COL1A2: variants seen among roughly 807,000 people sequenced by gnomAD.
COL1A2 encodes the protein collagen alpha-2(I) chain.
In COL1A2, 49 loss-of-function variants were observed where a neutral mutation model predicts 174.3. That is an observed-to-expected ratio of 0.28 (90% CI 0.22 to 0.36). The LOEUF (loss-of-function observed/expected upper bound fraction) is 0.36. Among genes scored for constraint, COL1A2 ranks in the 10% least tolerant of loss-of-function variants. The pLI, the probability that COL1A2 is intolerant of heterozygous loss-of-function variation, is 1.00. For synonymous variants in COL1A2, 655 were observed against 606.6 expected, an observed-to-expected ratio of 1.08 and a Z score of -1.17; for missense variants, 1,438 against 1,822.7, an observed-to-expected ratio of 0.79 and a Z score of 3.84.
intron 39 of COL1A2, among the ~76,000 whole-genome samples, chr7:94,422,248 A>G (rs972115289): frequency 3.3e-5 from 5 of 151,546 alleles, no homozygotes; most frequent in East Asian, 1.9e-4. Flanking sequence ...AGATATTTCT[A>G]TATCTAATTA....
chr7:94,412,173 T>C, intron 24 of COL1A2, 52 bp downstream of exon 24: 2 of 1,471,946 alleles, frequency 1.4e-6, no homozygotes, highest in South Asian at 2.3e-5. Flanking sequence ...ATTGCACCCT[T>C]ATCAAGTCTA....
chr7:94,404,818 A>T, intron 8 of COL1A2, 21 bp from the exon 9 acceptor site: 1 of 1,614,034 alleles, frequency 6.2e-7, no homozygotes, highest in Non-Finnish European at 8.5e-7. Context: ...TAGTGAAATG[A>T]TGGGTCTCCC....
chr7:94,427,577 TC>T, intron 48 of COL1A2, 49 bp from the exon 49 acceptor site: 1 of 1,607,850 alleles, frequency 6.2e-7, no homozygotes, highest in Non-Finnish European at 8.5e-7. Flanking sequence ...TGGATGTCTC[TC>T]ACTGTAACAA....
At chr7:94,410,772 G>C in intron 21 of COL1A2, 117 bp from the exon 22 acceptor site, 3 of 1,170,266 alleles carry the variant, frequency 2.6e-6, no homozygotes, top group Non-Finnish European at 3.8e-6. Flanking sequence ...GAAGTGTTTT[G>C]GCTTGGTTTG....
rs1791865930 is a variant in COL1A2 at position 94,409,250 on chromosome 7, T to C, written c.793-72T>C. ...GTTTTATGAAGACATTTCATAAAAC[T>C]TGGCATCTTAAAAACAGATATGCTG... On this transcript the variant is annotated intron_variant, in intron 16 of 51. Transcript: ENST00000297268. 3.9e-6 allele frequency: 5 copies of C among 1,289,322 alleles called. No homozygotes were observed. In the East Asian group the frequency reaches 1.2e-4, roughly 30 times the overall value. 79.9% of individuals were successfully genotyped at this position (1,289,322 alleles called of 1,614,324 possible). A position where few individuals can be genotyped will look rare whatever the true frequency, so the allele number is the denominator to read the frequency against.
intron 46 of COL1A2, 108 bp from the exon 47 acceptor site, chr7:94,426,900 A>C: frequency 1.1e-6 from 1 of 951,978 alleles, no homozygotes; most frequent in Non-Finnish European, 1.7e-6. Flanking sequence ...AATTTTCTCA[A>C]TCCGGAGTCC....
intron 37 of COL1A2, 29 bp from the exon 38 acceptor site, chr7:94,420,980 T>G (rs761590608): frequency 1.2e-6 from 2 of 1,612,252 alleles, no homozygotes; most frequent in East Asian, 4.5e-5. Context: ...TTGTTTGTGA[T>G]TTGACTCCAT....
intron 1 of COL1A2, among the ~76,000 whole-genome samples, chr7:94,396,227 G>T (rs1390392567): frequency 6.6e-6 from 1 of 152,002 alleles, no homozygotes; most frequent in Non-Finnish European, 1.5e-5. Flanking sequence ...GGATGGTATT[G>T]TCTGACCACA....
intron 49 of COL1A2, 51 bp downstream of exon 49, chr7:94,427,936 T>C: frequency 1.3e-6 from 2 of 1,593,870 alleles, no homozygotes; most frequent in Non-Finnish European, 1.7e-6. Flanking sequence ...GTTGAGCTTT[T>C]CAAAATTAGT....
At chr7:94,423,437 A>G (rs571004820) in intron 40 of COL1A2, 1 of 381,100 alleles carries the variant, frequency 2.6e-6, no homozygotes, top group Non-Finnish European at 5.0e-6. Flanking sequence ...ATATTAATCA[A>G]TCTCAGTAGG....
At chr7:94,425,338 T>C (rs532327618) in intron 42 of COL1A2, 114 bp downstream of exon 42, 2 of 1,036,484 alleles carry the variant, frequency 1.9e-6, no homozygotes, top group South Asian at 2.8e-5. Context: ...ATGGTCAGCT[T>C]CTCCATAGTA....
In COL1A2 at chr7:94,430,708, C is replaced by T. The variant is rs1391339682; in HGVS notation, c.*315C>T. 4 of 316,702 alleles carry T rather than the reference C, an allele frequency of 1.3e-5. No homozygotes were observed. The highest frequency in any genetic ancestry group is 2.4e-5 in the Non-Finnish European group (4 of 169,130). The allele number at this position is 316,702 out of a possible 1,614,324, so 19.6% of individuals were successfully genotyped here. ...ATAAAAACCATAAACATTTGCACCACTTGTGGCTTTTGAATATCTTCCACA... is the reference window on the plus strand; with the variant it reads ...ATAAAAACCATAAACATTTGCACCATTTGTGGCTTTTGAATATCTTCCACA... On this transcript the variant is annotated 3_prime_UTR_variant, in exon 52 of 52. Coordinates refer to ENST00000297268, the MANE Select transcript of COL1A2 (RefSeq NM_000089.4).
intron 45 of COL1A2, 93 bp downstream of exon 45, chr7:94,426,144 G>C: frequency 2.4e-6 from 3 of 1,236,890 alleles, no homozygotes; most frequent in Non-Finnish European, 3.6e-6. Flanking sequence ...ATATCAGCTA[G>C]ACTTAATATT....
In COL1A2 at chr7:94,424,848, T is replaced by C. The variant is rs1792241189; in HGVS notation, c.2674-269T>C. The C allele has an allele frequency of 1.2e-5, 6 of 510,440 alleles. No homozygotes were observed. In the Admixed American group the frequency reaches 1.9e-4, roughly 16 times the overall value. The allele number at this position is 510,440 out of a possible 1,614,324, so 31.6% of individuals were successfully genotyped here. ...TCATCTCCATAAAATATATCAACTT[T>C]TTGAATTCATTTCATTTGGGATACT... On this transcript the variant is annotated intron_variant, in intron 41 of 51. Coordinates refer to ENST00000297268, the MANE Select transcript of COL1A2 (RefSeq NM_000089.4).
At chr7:94,425,880 C>T (rs368282335) in intron 44 of COL1A2, 23 bp downstream of exon 44, 2 of 1,606,312 alleles carry the variant, frequency 1.2e-6, no homozygotes, top group Non-Finnish European at 8.5e-7. Flanking sequence ...ATACCAGTCC[C>T]TCAGTGCAGC....
Position 94,400,108 on chromosome 7 carries a change from A to G in COL1A2, c.133-88A>G, listed in dbSNP as rs542001916. On this transcript the variant is annotated intron_variant, in intron 4 of 51. Coordinates refer to ENST00000297268, the MANE Select transcript of COL1A2 (RefSeq NM_000089.4). ...ATTTCCACCCTACTTGCACATAGAAAGGTCTGAACAACTGATCTTACCACA... is the reference window on the plus strand; with the variant it reads ...ATTTCCACCCTACTTGCACATAGAAGGGTCTGAACAACTGATCTTACCACA... The G allele has an allele frequency of 2.5e-5, 30 of 1,178,426 alleles. No individual in the cohort carries two copies. In the Middle Eastern group the frequency reaches 1.5e-3, roughly 60 times the overall value. 73.0% of individuals were successfully genotyped at this position (1,178,426 alleles called of 1,614,324 possible).
In COL1A2 at chr7:94,430,891, T is replaced by A. The variant is rs1792388197; in HGVS notation, c.*498T>A. 1 of 159,324 alleles carries A rather than the reference T, an allele frequency of 6.3e-6. No individual in the cohort carries two copies. Among genetic ancestry groups the A allele is most frequent in the Non-Finnish European group, 1.4e-5 (1 of 72,376 alleles). The allele number at this position is 159,324 out of a possible 1,614,324, so 9.9% of individuals were successfully genotyped here. ...TACAAAGGTGCTAATTAATAGTATT[T>A]CAGATACTTGAAGAATGTTGATGGT... is the stretch of plus-strand genomic sequence containing the variant. On this transcript the variant is annotated 3_prime_UTR_variant, in exon 52 of 52. Transcript: ENST00000297268.
chr7:94,426,553 G>C, intron 46 of COL1A2, 23 bp downstream of exon 46: 1 of 1,554,674 alleles, frequency 6.4e-7, no homozygotes. Context: ...TAGCCATCTC[G>C]CACATAAACT....
intron 32 of COL1A2, 53 bp downstream of exon 32, chr7:94,417,884 G>A (rs1584324604): frequency 7.0e-7 from 1 of 1,420,468 alleles, no homozygotes; most frequent in East Asian, 2.5e-5. Context: ...AAAGAAGGCT[G>A]CACAAGGATG....
Sources: gnomAD v4.1 joint callset for allele counts (sites outside exome capture counted in the v4.1 genomes callset) on GRCh38, gnomAD v4.1.1 for gene constraint, MANE v1.5 for transcripts, NCBI Gene and HGNC (gene_info 2026-07-23, HGNC 2026-07-21) for gene names.